Variants in GUCY1A2 observed in about 807,000 individuals in gnomAD.
The protein encoded by GUCY1A2 is guanylate cyclase soluble subunit alpha-2.
A neutral mutation model predicts 63.5 loss-of-function variants in GUCY1A2; 27 were observed. The observed-to-expected ratio is 0.43, with a 90% CI of 0.31 to 0.59. The LOEUF is 0.59. Among genes scored for constraint, GUCY1A2 ranks in the 20% least tolerant of loss-of-function variants. The probability of loss-of-function intolerance (pLI) is 0.11; values close to 1 mark genes in which losing one functional copy is unlikely to be tolerated. For missense variants in GUCY1A2, 768 were observed against 913.3 expected (o/e 0.84, Z 2.05); for synonymous variants, 364 against 343.5 (o/e 1.06, Z -0.66).
intron 5 of GUCY1A2, among the ~76,000 whole-genome samples, chr11:106,792,739 C>G (rs1051926244): frequency 6.6e-6 from 1 of 152,040 alleles, no homozygotes; most frequent in African/African-American, 2.4e-5. Flanking sequence ...CTATCCTATT[C>G]AACACAGTAT....
chr11:106,873,093 A>G (rs1273595918), intron 4 of GUCY1A2, among the ~76,000 whole-genome samples: 2 of 152,216 alleles, frequency 1.3e-5, no homozygotes, highest in East Asian at 3.9e-4. Context: ...TGCAAAGGAC[A>G]TGATCTCATT....
rs78464459 is a variant in GUCY1A2 at position 106,924,473 on chromosome 11, C to T, written c.1206+14987G>A. On this transcript the variant is annotated intron_variant, in intron 4 of 7. Transcript: ENST00000526355. The stretch of plus-strand genomic sequence containing the variant: ...AAGAATACACTAGTGAAGTTTATTT[C>T]AGGCCACGCATTGTGGCACAGGCTC... Among the ~76,000 whole-genome samples the T allele has an allele frequency of 7.1e-3, 1,077 of 152,282 alleles. 6 individuals carry two copies. Among genetic ancestry groups the T allele is most frequent in the Middle Eastern group, 0.02 (6 of 294 alleles).
At chr11:106,970,940 A>T (rs1861185496) in intron 3 of GUCY1A2, among the ~76,000 whole-genome samples, 1 of 152,124 alleles carries the variant, frequency 6.6e-6, no homozygotes, top group African/African-American at 2.4e-5. Flanking sequence ...TCTTAAATTC[A>T]CATTTCTAAA....
chr11:106,870,529 T>C lies in GUCY1A2; in HGVS notation c.1207-60051A>G, dbSNP rs567602362. ...AGGGGATCAACAAGAAGTTATTTTG[T>C]ATGTTTTTGTTGTTGTTGTTACTTG... On this transcript the variant is annotated intron_variant, in intron 4 of 7. Coordinates refer to ENST00000526355, the MANE Select transcript of GUCY1A2 (RefSeq NM_000855.3). 1.1e-4 allele frequency among the ~76,000 whole-genome samples: 17 copies of C among 152,242 alleles called. No homozygotes were observed. In the South Asian group the frequency reaches 3.5e-3, roughly 32 times the overall value.
At chr11:106,744,196 T>C (rs1036230308) in intron 6 of GUCY1A2, among the ~76,000 whole-genome samples, 1 of 151,750 alleles carries the variant, frequency 6.6e-6, no homozygotes, top group East Asian at 1.9e-4. Context: ...TGTAAACTTC[T>C]AGTATAGCAA....
chr11:106,765,123 G>T (rs2135394423), intron 6 of GUCY1A2, among the ~76,000 whole-genome samples: 1 of 151,756 alleles, frequency 6.6e-6, no homozygotes, highest in Non-Finnish European at 1.5e-5. Flanking sequence ...TATAAAAATT[G>T]CATATATGCC....
chr11:106,826,786 C>T lies in GUCY1A2; in HGVS notation c.1207-16308G>A, dbSNP rs963838524. On this transcript the variant is annotated intron_variant, in intron 4 of 7. Transcript: ENST00000526355. ...CTGGGTCCACAGCCTCATCTGCTGC[C>T]AGACTGGGCTCAGCTGCCAGGATGT... is the stretch of plus-strand genomic sequence containing the variant. The T allele has an allele frequency of 5.6e-6, 9 of 1,610,612 alleles. No homozygotes were observed. The East Asian group carries it at 1.8e-4, about 32-fold the overall frequency.
At chr11:106,801,550 G>A (rs1449080870) in intron 5 of GUCY1A2, among the ~76,000 whole-genome samples, 1 of 152,036 alleles carries the variant, frequency 6.6e-6, no homozygotes, top group Non-Finnish European at 1.5e-5. Flanking sequence ...ACACATGAAT[G>A]ATTTAAACCA....
intron 4 of GUCY1A2, among the ~76,000 whole-genome samples, chr11:106,860,233 A>T (rs1349451558): frequency 1.3e-5 from 2 of 151,834 alleles, no homozygotes; most frequent in Non-Finnish European, 2.9e-5. Flanking sequence ...GAGTACCCAG[A>T]CATAAACATT....
At chr11:106,986,642 T>C (rs987905334) in intron 1 of GUCY1A2, among the ~76,000 whole-genome samples, 1 of 152,194 alleles carries the variant, frequency 6.6e-6, no homozygotes, top group Admixed American at 6.5e-5. Flanking sequence ...TAATAAAAGA[T>C]ATTTTTAAAC....
At chr11:106,796,553 T>C (rs1864764630) in intron 5 of GUCY1A2, among the ~76,000 whole-genome samples, 1 of 152,168 alleles carries the variant, frequency 6.6e-6, no homozygotes, top group African/African-American at 2.4e-5. Flanking sequence ...TGGCTGGATA[T>C]GAAATTCTGG....
chr11:106,849,225 A>G (rs138846851), intron 4 of GUCY1A2, among the ~76,000 whole-genome samples: 1 of 151,662 alleles, frequency 6.6e-6, no homozygotes, highest in East Asian at 1.9e-4. Flanking sequence ...ACACTTATTA[A>G]TTAGCTCATA....
At chr11:106,699,012 A>G (rs906081324) in intron 7 of GUCY1A2, among the ~76,000 whole-genome samples, 21 of 152,194 alleles carry the variant, frequency 1.4e-4, no homozygotes, top group Non-Finnish European at 2.6e-4. Flanking sequence ...CACTAATCAT[A>G]AGGCTTAAAT....
intron 5 of GUCY1A2, among the ~76,000 whole-genome samples, chr11:106,809,763 T>A (rs1272486250): frequency 1.3e-5 from 2 of 151,372 alleles, no homozygotes; most frequent in Non-Finnish European, 2.9e-5. Flanking sequence ...CTATATAGAA[T>A]TTTTCCTTAC....
intron 1 of GUCY1A2, among the ~76,000 whole-genome samples, chr11:107,009,517 G>C (rs957381763): frequency 6.6e-6 from 1 of 152,024 alleles, no homozygotes; most frequent in Non-Finnish European, 1.5e-5. Context: ...TTGGAAAAAG[G>C]GGTCACAAGA....
chr11:106,746,622 A>G, intron 6 of GUCY1A2: 1 of 1,595,442 alleles, frequency 6.3e-7, no homozygotes, highest in Non-Finnish European at 8.5e-7. Flanking sequence ...GGAAAGGAGA[A>G]AAGGAGTTCA....
rs892909365 is a variant in GUCY1A2 at position 106,861,590 on chromosome 11, G to C, written c.1207-51112C>G. Among the ~76,000 whole-genome samples, 3 of 151,970 alleles carry C rather than the reference G, an allele frequency of 2.0e-5. No homozygotes were observed. The South Asian group carries it at 6.2e-4, about 31-fold the overall frequency. ...TACAGCTATGGTTAGCAAGTTAAAG[G>C]GATGTTCTTAGGATAATAAATACAT... On this transcript the variant is annotated intron_variant, in intron 4 of 7. Coordinates refer to ENST00000526355, the MANE Select transcript of GUCY1A2 (RefSeq NM_000855.3).
chr11:106,801,170 A>G (rs1858597485), intron 5 of GUCY1A2, among the ~76,000 whole-genome samples: 1 of 152,176 alleles, frequency 6.6e-6, no homozygotes, highest in African/African-American at 2.4e-5. Flanking sequence ...AATACCTTAA[A>G]AAAGGAAACC....
chr11:106,735,661 G>T (rs907666677), intron 6 of GUCY1A2, among the ~76,000 whole-genome samples: 10 of 152,232 alleles, frequency 6.6e-5, no homozygotes, highest in African/African-American at 2.4e-4. Flanking sequence ...CAGTGGGATT[G>T]CTGGATCATA....
Sources: allele counts gnomAD v4.1 joint callset (sites outside exome capture counted in the v4.1 genomes callset), GRCh38; gene constraint gnomAD v4.1.1; transcripts MANE v1.5; gene names NCBI Gene and HGNC (gene_info 2026-07-23, HGNC 2026-07-21).